Variants in HFM1 observed in about 807,000 individuals in gnomAD.
The protein encoded by HFM1 is helicase for meiosis 1.
HFM1 carries 169 observed loss-of-function variants against 192.1 expected under a neutral mutation model. The ratio of observed to expected loss-of-function variants is 0.88; its 90% CI spans 0.78 to 1.00. HFM1 has a LOEUF of 1.00. Among genes scored for constraint, HFM1 ranks in the 50% least tolerant of loss-of-function variants. HFM1 has a pLI of 0.00. For synonymous variants in HFM1, 525 were observed against 537.8 expected, an observed-to-expected ratio of 0.98 and a Z score of 0.33; for missense variants, 1,661 against 1,668.0, an observed-to-expected ratio of 1.00 and a Z score of 0.07.
chr1:91,301,095 T>C (rs1444741882), intron 30 of HFM1, among the ~76,000 whole-genome samples: 1 of 152,240 alleles, frequency 6.6e-6, no homozygotes, highest in African/African-American at 2.4e-5. Flanking sequence ...AGTCTCAGGA[T>C]ACAAAATCAA....
rs758765363 is a variant in HFM1, at chr1:91,267,738, A to AT, written c.3883+6dup. On this transcript the variant is annotated splice_region_variant and intron_variant, in intron 35 of 38. Transcript: ENST00000370425. Reference sequence around the variant, plus strand: ...ATGAAATGATTGCATGCTAAGTATGATTTTACCTGATATTTTTGTCTTCTC... The same window carrying AT: ...ATGAAATGATTGCATGCTAAGTATGATTTTTACCTGATATTTTTGTCTTCTC... 1 of 1,240,684 alleles carries AT rather than the reference A, an allele frequency of 8.1e-7. No homozygotes were observed. The highest frequency in any genetic ancestry group is 1.1e-6 in the Non-Finnish European group (1 of 881,678). The allele number at this position is 1,240,684 out of a possible 1,614,324, so 76.9% of individuals were successfully genotyped here.
At chr1:91,335,724 G>C (rs1654470366) in intron 20 of HFM1, among the ~76,000 whole-genome samples, 1 of 151,986 alleles carries the variant, frequency 6.6e-6, no homozygotes, top group African/African-American at 2.4e-5. Context: ...GTGGTAGGGA[G>C]CATGGAGGAC....
rs587777268 is a variant in HFM1, at chr1:91,319,322, A to C, written c.2651T>G (p.Ile884Ser). The part of the protein sequence containing the change: ...DFALTQDTAK[I>S]FRHGSRITRW... ...TGTAATTCGGGAGCCATGTCTGAAA[A>C]TCTTTGCGGTATCTTGTGTCAAAGC... The change falls in exon 24 of 39, where the codon ATT becomes AGT. Residue 884 changes from isoleucine to serine, a missense_variant. Transcript: ENST00000370425. 2 of 1,612,118 alleles carry C rather than the reference A, an allele frequency of 1.2e-6. No individual in the cohort carries two copies. The highest frequency in any genetic ancestry group is 4.5e-5 in the East Asian group (2 of 44,836).
chr1:91,271,899 C>A (rs1250667064), intron 34 of HFM1, among the ~76,000 whole-genome samples: 3 of 152,096 alleles, frequency 2.0e-5, no homozygotes. Flanking sequence ...AATTTTTGGG[C>A]AAGTCATTTA....
Position 91,316,465 on chromosome 1 carries a change from A to T in HFM1, c.2824T>A (p.Ser942Thr). 1 of 1,533,150 alleles carries T rather than the reference A, an allele frequency of 6.5e-7. No homozygotes were observed. Among genetic ancestry groups the T allele is most frequent in the Non-Finnish European group, 8.9e-7 (1 of 1,121,466 alleles). 95.0% of individuals were successfully genotyped at this position (1,533,150 alleles called of 1,614,324 possible). The change falls in exon 26 of 39, where the codon TCA becomes ACA. Residue 942 changes from serine to threonine, a missense_variant. Transcript: ENST00000370425. ...KQLEKIGITL[S>T]NAIVNAGLTS... is the part of the protein sequence containing the mutation. ...AAACCAGCATTTACGATTGCATTTG[A>T]CAATGTTATACCTGTGGAAAATTAA...
chr1:91,279,347 G>T (rs1557769635), intron 30 of HFM1, among the ~76,000 whole-genome samples: 1 of 152,142 alleles, frequency 6.6e-6, no homozygotes, highest in Admixed American at 6.5e-5. Context: ...ACGACTTATT[G>T]TTTCAGGTGT....
rs372108143 is a variant in HFM1 at position 91,351,615 on chromosome 1, A to C, written c.2006T>G (p.Met669Arg). The part of the protein sequence containing the change: ...QFDTTATAVI[M>R]TRLSTRDKYI... Reference sequence around the variant, plus strand: ...CTTGTCCCTTGTGCTTAATCGAGTCATGATAACTGCAGTAGCTGTAGTGTC... The same window carrying C: ...CTTGTCCCTTGTGCTTAATCGAGTCCTGATAACTGCAGTAGCTGTAGTGTC... The change falls in exon 17 of 39, where the codon ATG (methionine) becomes AGG (arginine). Residue 669 changes from methionine (M) to arginine (R), a missense_variant. By Grantham distance (91) the Met-to-Arg change is moderately conservative. Coordinates refer to ENST00000370425, the MANE Select transcript of HFM1 (RefSeq NM_001017975.6). 9 of 1,601,214 alleles carry C rather than the reference A, an allele frequency of 5.6e-6. No individual in the cohort carries two copies. Among genetic ancestry groups the C allele is most frequent in the Admixed American group, 3.4e-5 (2 of 58,182 alleles).
chr1:91,354,284 G>A (rs928109968), intron 13 of HFM1, among the ~76,000 whole-genome samples: 1 of 151,266 alleles, frequency 6.6e-6, no homozygotes, highest in Admixed American at 6.6e-5. Flanking sequence ...CCTAGTCAGA[G>A]GGAAAAAAAA....
intron 34 of HFM1, among the ~76,000 whole-genome samples, chr1:91,270,026 G>T (rs1431435717): frequency 6.6e-6 from 1 of 152,030 alleles, no homozygotes; most frequent in Non-Finnish European, 1.5e-5. Flanking sequence ...TATAGGTAAA[G>T]GATAACTATT....
chr1:91,396,644 T>C (rs1457587065), intron 2 of HFM1, among the ~76,000 whole-genome samples: 2 of 152,226 alleles, frequency 1.3e-5, no homozygotes, highest in Non-Finnish European at 2.9e-5. Context: ...CTCTATCTCC[T>C]TTTCTCCAAT....
At chr1:91,369,905 G>T (rs1291346797) in intron 13 of HFM1, among the ~76,000 whole-genome samples, 3 of 151,918 alleles carry the variant, frequency 2.0e-5, no homozygotes, top group Non-Finnish European at 4.4e-5. Context: ...ATGATAAAGG[G>T]GATATAGCCA....
intron 2 of HFM1, among the ~76,000 whole-genome samples, chr1:91,397,370 C>T (rs1365155577): frequency 6.6e-6 from 1 of 152,078 alleles, no homozygotes; most frequent in African/African-American, 2.4e-5. Flanking sequence ...GGTTCCTTTC[C>T]CATCAAAGTT....
intron 30 of HFM1, among the ~76,000 whole-genome samples, chr1:91,307,351 A>G (rs1649774988): frequency 6.6e-6 from 1 of 152,114 alleles, no homozygotes; most frequent in Non-Finnish European, 1.5e-5. Context: ...ACTTATATTT[A>G]GTCATATAGT....
In HFM1 at chr1:91,266,115, A is replaced by G; in HGVS notation, c.3884-8T>C. The stretch of plus-strand genomic sequence containing the variant: ...TCAAAGTGTTTCCAAATCCTATGTG[A>G]AGAGATAACATTTTGAAACAAAATG... On this transcript the variant is annotated splice_polypyrimidine_tract_variant and splice_region_variant and intron_variant, in intron 35 of 38. Coordinates refer to ENST00000370425, the MANE Select transcript of HFM1 (RefSeq NM_001017975.6). 1 of 1,586,768 alleles carries G rather than the reference A, an allele frequency of 6.3e-7. No homozygotes were observed. The highest frequency in any genetic ancestry group is 1.4e-5 in the African/African-American group (1 of 72,434).
chr1:91,377,236 C>T (rs1475986940), intron 11 of HFM1, among the ~76,000 whole-genome samples: 1 of 151,600 alleles, frequency 6.6e-6, no homozygotes. Flanking sequence ...CTATATTATT[C>T]TTGAAAAATA....
intron 32 of HFM1, among the ~76,000 whole-genome samples, chr1:91,275,565 A>G (rs1023852245): frequency 6.6e-6 from 1 of 152,158 alleles, no homozygotes; most frequent in African/African-American, 2.4e-5. Context: ...TTCCTTCAGA[A>G]TATCTACCTG....
intron 20 of HFM1, chr1:91,328,912 CGAGG>C: frequency 6.2e-7 from 1 of 1,610,954 alleles, no homozygotes; most frequent in Admixed American, 1.7e-5. Context: ...CTGTGGCTAC[CGAGG>C]ACATGGACTG....
At chr1:91,328,579 A>G in intron 20 of HFM1, 1 of 1,609,980 alleles carries the variant, frequency 6.2e-7, no homozygotes, top group Non-Finnish European at 8.5e-7. Flanking sequence ...CCTGATAGGC[A>G]TGTTCTACCG....
At chr1:91,286,435 G>A (rs1048231631) in intron 30 of HFM1, among the ~76,000 whole-genome samples, 1 of 152,056 alleles carries the variant, frequency 6.6e-6, no homozygotes, top group African/African-American at 2.4e-5. Context: ...CTTGGCTTGT[G>A]GGAGCATAAC....
Sources: gnomAD v4.1 joint callset for allele counts (sites outside exome capture counted in the v4.1 genomes callset) on GRCh38, gnomAD v4.1.1 for gene constraint, MANE v1.5 for transcripts, NCBI Gene and HGNC (gene_info 2026-07-23, HGNC 2026-07-21) for gene names.